The following KIAA1671 variants were observed in gnomAD, a reference collection of about 807,000 sequenced individuals.
KIAA1671 encodes uncharacterized protein KIAA1671.
KIAA1671 carries 52 observed loss-of-function variants against 131.2 expected under a neutral mutation model. The observed-to-expected ratio is 0.40, with a 90% CI of 0.32 to 0.50. KIAA1671 has a LOEUF of 0.50. Ranked by LOEUF, KIAA1671 falls within the 20% of genes least tolerant of loss-of-function variation. The pLI is 0.73. For missense variants in KIAA1671, 2,360 were observed against 2,364.2 expected, an observed-to-expected ratio of 1.00 and a Z score of 0.04; for synonymous variants, 1,003 against 961.6, an observed-to-expected ratio of 1.04 and a Z score of -0.80.
chr22:25,045,682 C>T (rs1046519787), intron 5 of KIAA1671, among the ~76,000 whole-genome samples: 16 of 152,216 alleles, frequency 1.1e-4, no homozygotes, highest in South Asian at 6.2e-4. Flanking sequence ...CCCCGCCTCC[C>T]GGGTTCAAGT....
At chr22:25,143,284 G>C (rs1219406402) in intron 6 of KIAA1671, among the ~76,000 whole-genome samples, 1 of 152,198 alleles carries the variant, frequency 6.6e-6, no homozygotes, top group African/African-American at 2.4e-5. Context: ...CAGATGGAAT[G>C]TGTGGGCCTC....
chr22:25,153,672 C>A (rs1568983232), intron 6 of KIAA1671, among the ~76,000 whole-genome samples: 1 of 152,182 alleles, frequency 6.6e-6, no homozygotes, highest in Admixed American at 6.5e-5. Context: ...GGCACCTGCC[C>A]CACAGTGTGT....
At chr22:25,079,076 G>A (rs879538085) in intron 6 of KIAA1671, among the ~76,000 whole-genome samples, 2 of 152,156 alleles carry the variant, frequency 1.3e-5, no homozygotes, top group African/African-American at 2.4e-5. Flanking sequence ...ACAAAGCCAG[G>A]CATACAGTAG....
intron 6 of KIAA1671, among the ~76,000 whole-genome samples, chr22:25,115,606 T>C (rs1167878448): frequency 1.3e-5 from 2 of 152,058 alleles, no homozygotes; most frequent in African/African-American, 4.8e-5. Context: ...CAGACTGTAA[T>C]GTGAGTCCTA....
At chr22:25,126,803 T>A (rs996934382) in intron 6 of KIAA1671, among the ~76,000 whole-genome samples, 2 of 152,352 alleles carry the variant, frequency 1.3e-5, no homozygotes, top group Admixed American at 1.3e-4. Context: ...TTTGACATCC[T>A]TTGGAGTTGA....
intron 1 of KIAA1671, among the ~76,000 whole-genome samples, chr22:24,963,182 G>A (rs2123800789): frequency 6.6e-6 from 1 of 151,948 alleles, no homozygotes; most frequent in East Asian, 1.9e-4. Context: ...TGCCCAACAT[G>A]GTGAAACCCC....
intron 6 of KIAA1671, among the ~76,000 whole-genome samples, chr22:25,094,257 A>AGAGCTT (rs1365896550): frequency 6.6e-6 from 1 of 152,124 alleles, no homozygotes; most frequent in African/African-American, 2.4e-5. Flanking sequence ...TCATTTGCCC[A>AGAGCTT]GAGCTTGGAG....
intron 11 of KIAA1671, among the ~76,000 whole-genome samples, chr22:25,188,883 T>A (rs527701806): frequency 6.6e-6 from 1 of 152,188 alleles, no homozygotes; most frequent in Non-Finnish European, 1.5e-5. Flanking sequence ...AAAATCCAAG[T>A]GGACCCACAC....
chr22:25,093,752 C>CTCTCTG (rs1568951058), intron 6 of KIAA1671, among the ~76,000 whole-genome samples: 1 of 54,354 alleles, frequency 1.8e-5, no homozygotes, highest in Admixed American at 1.7e-4. Context: ...CTCTCTCTCT[C>CTCTCTG]TCTCTCTCTC....
chr22:25,030,686 G>C (rs956915019), intron 3 of KIAA1671, among the ~76,000 whole-genome samples: 9 of 152,326 alleles, frequency 5.9e-5, no homozygotes, highest in Middle Eastern at 3.4e-3. Flanking sequence ...TTCTAAGTCG[G>C]TTGGTTAATA....
intron 6 of KIAA1671, among the ~76,000 whole-genome samples, chr22:25,149,334 C>T (rs911103224): frequency 1.3e-5 from 2 of 152,216 alleles, no homozygotes; most frequent in Non-Finnish European, 2.9e-5. Flanking sequence ...CTGCATCTGA[C>T]GTCCTGGCCC....
rs907322865 is a variant in KIAA1671, at chr22:25,192,566, C to T, written c.*165C>T. The T allele has an allele frequency of 2.6e-5, 4 of 152,272 alleles. No homozygotes were observed. Among genetic ancestry groups the T allele is most frequent in the Non-Finnish European group, 5.9e-5 (4 of 68,076 alleles). The allele number at this position is 152,272 out of a possible 1,614,324, so 9.4% of individuals were successfully genotyped here. On this transcript the variant is annotated 3_prime_UTR_variant, in exon 13 of 13. Coordinates refer to ENST00000358431, the MANE Select transcript of KIAA1671 (RefSeq NM_001145206.2). ...AGTGCCCCTGTCCTCGCCAGGCTCTCCCTGGATCCAGACGGGAAGACCCAA... is the reference window on the plus strand; with the variant it reads ...AGTGCCCCTGTCCTCGCCAGGCTCTTCCTGGATCCAGACGGGAAGACCCAA...
intron 3 of KIAA1671, among the ~76,000 whole-genome samples, chr22:25,030,283 T>C (rs1926212670): frequency 1.3e-5 from 2 of 152,146 alleles, no homozygotes; most frequent in Non-Finnish European, 2.9e-5. Flanking sequence ...ATGCCTGTAA[T>C]CCCAGCACTT....
At chr22:25,173,973 G>C (rs1419831020) in intron 7 of KIAA1671, among the ~76,000 whole-genome samples, 1 of 152,166 alleles carries the variant, frequency 6.6e-6, no homozygotes, top group East Asian at 1.9e-4. Flanking sequence ...CCAGGACAGC[G>C]CAGGGCCAAA....
intron 4 of KIAA1671, among the ~76,000 whole-genome samples, chr22:25,037,101 T>C (rs1326324168): frequency 6.6e-6 from 1 of 152,126 alleles, no homozygotes; most frequent in Non-Finnish European, 1.5e-5. Context: ...GGCAGGTGGA[T>C]CACTTGAAGT....
intron 1 of KIAA1671, among the ~76,000 whole-genome samples, chr22:24,973,276 A>G (rs6004378): frequency 0.26 from 40,148 of 151,760 alleles, 7,788 homozygotes; most frequent in African/African-American, 0.55. Flanking sequence ...TGAGGAAGCT[A>G]CATCTGTGCA....
intron 6 of KIAA1671, among the ~76,000 whole-genome samples, chr22:25,161,967 G>A (rs1213199900): frequency 6.6e-6 from 1 of 152,144 alleles, no homozygotes; most frequent in Non-Finnish European, 1.5e-5. Flanking sequence ...AGAGCCAGGA[G>A]AATGTGCTGT....
chr22:25,168,383 C>G (rs1378570320), intron 6 of KIAA1671, among the ~76,000 whole-genome samples: 1 of 152,296 alleles, frequency 6.6e-6, no homozygotes, highest in Non-Finnish European at 1.5e-5. Context: ...TCACGTTCTG[C>G]CTGGTACAAT....
chr22:25,044,512 A>T (rs1241477226), intron 5 of KIAA1671, among the ~76,000 whole-genome samples: 1 of 152,124 alleles, frequency 6.6e-6, no homozygotes, highest in African/African-American at 2.4e-5. Context: ...TGCCTGGAGC[A>T]CGCAGGCCCC....
Sources: allele counts gnomAD v4.1 joint callset (sites outside exome capture counted in the v4.1 genomes callset), GRCh38; gene constraint gnomAD v4.1.1; transcripts MANE v1.5; gene names NCBI Gene and HGNC (gene_info 2026-07-23, HGNC 2026-07-21).